The following CD59 variants were observed in gnomAD, a reference collection of about 807,000 sequenced individuals.
The protein encoded by CD59 is CD59 molecule (CD59 blood group).
Under a neutral mutation model 7.0 loss-of-function variants are expected in CD59, and 3 were observed. The observed-to-expected ratio is 0.43, with a 90% CI of 0.19 to 1.10. CD59 has a LOEUF of 1.10. CD59 is among the 50% of genes least tolerant of loss of function. The pLI, the probability that CD59 is intolerant of heterozygous loss-of-function variation, is 0.29. For synonymous variants in CD59, 60 were observed against 62.0 expected, an observed-to-expected ratio of 0.97 and a Z score of 0.15; for missense variants, 143 against 151.0, an observed-to-expected ratio of 0.95 and a Z score of 0.28.
rs1275368101 is a variant in CD59, at chr11:33,722,733, T to C, written c.-18-270A>G. ...TCAGGGTCAGTGAGTCAAATGACAATATGAGCAAATTGACTCATATAGCCA... is the reference window on the plus strand; with the variant it reads ...TCAGGGTCAGTGAGTCAAATGACAACATGAGCAAATTGACTCATATAGCCA... On this transcript the variant is annotated intron_variant, in intron 1 of 3. Transcript: ENST00000642928. 4 of 1,227,826 alleles carry C rather than the reference T, an allele frequency of 3.3e-6. No homozygotes were observed. The African/African-American group carries it at 6.2e-5, about 19-fold the overall frequency. 76.1% of individuals were successfully genotyped at this position (1,227,826 alleles called of 1,614,324 possible).
chr11:33,729,951 T>C (rs1590544785), intron 1 of CD59, among the ~76,000 whole-genome samples: 1 of 152,150 alleles, frequency 6.6e-6, no homozygotes, highest in African/African-American at 2.4e-5. Flanking sequence ...CAATTTTTTT[T>C]CTGAAAATAT....
chr11:33,715,486 A>G (rs1766823344), intron 3 of CD59, among the ~76,000 whole-genome samples: 1 of 152,080 alleles, frequency 6.6e-6, no homozygotes, highest in Non-Finnish European at 1.5e-5. Flanking sequence ...TGTAATCCCA[A>G]TTACTCAGGA....
rs1440812146 is a variant in CD59 at position 33,703,620 on chromosome 11, T to A, written c.*6506A>T. 1 of 152,220 alleles carries A rather than the reference T, an allele frequency of 6.6e-6. No homozygotes were observed. The allele number at this position is 152,220 out of a possible 1,614,324, so 9.4% of individuals were successfully genotyped here. On this transcript the variant is annotated 3_prime_UTR_variant, in exon 4 of 4. Transcript: ENST00000642928. ...CCTGGTAGCCAGGTGGGCTTGCTAATCCTGCACCTCTACCTTAAGCTTACC... is the reference window on the plus strand; with the variant it reads ...CCTGGTAGCCAGGTGGGCTTGCTAAACCTGCACCTCTACCTTAAGCTTACC...
chr11:33,710,246 G>C lies in CD59; in HGVS notation c.267C>G (p.Cys89Trp). ...LRENELTYYC[C>W]KKDLCNFNEQ... ...CGTTAAAGTTACACAGGTCCTTCTT[G>C]CAGCAGTAGTACGTTAGCTCATTTT... Residue 89 changes from cysteine to tryptophan, a missense_variant, in exon 4 of 4, where the codon TGC becomes TGG. Physicochemically the swap from Cys to Trp is radical, Grantham distance 215. Coordinates refer to ENST00000642928, the MANE Select transcript of CD59 (RefSeq NM_000611.6). 1 of 1,614,116 alleles carries C rather than the reference G, an allele frequency of 6.2e-7. No homozygotes were observed. Among genetic ancestry groups the C allele is most frequent in the Non-Finnish European group, 8.5e-7 (1 of 1,179,978 alleles).
intron 3 of CD59, 46 bp downstream of exon 3, chr11:33,717,324 C>T (rs777107927): frequency 2.3e-6 from 3 of 1,276,938 alleles, no homozygotes; most frequent in East Asian, 2.3e-5. Context: ...TTCCCAGGCA[C>T]TTATTACCCC....
chr11:33,708,711 T>C lies in CD59; in HGVS notation c.*1415A>G, dbSNP rs1204428330. 1 of 152,172 alleles carries C rather than the reference T, an allele frequency of 6.6e-6. No individual in the cohort carries two copies. The highest frequency in any genetic ancestry group is 1.5e-5 in the Non-Finnish European group (1 of 68,032). 9.4% of individuals were successfully genotyped at this position (152,172 alleles called of 1,614,324 possible). A position where few individuals can be genotyped will look rare whatever the true frequency, so the allele number is the denominator to read the frequency against. ...ATAAGCAAGTTTCTATTTTCCTATG[T>C]TCAGGGAACGGCATCAACAGAAGAA... On this transcript the variant is annotated 3_prime_UTR_variant, in exon 4 of 4. Transcript: ENST00000642928.
intron 1 of CD59, among the ~76,000 whole-genome samples, chr11:33,733,076 C>T (rs539246345): frequency 6.6e-6 from 1 of 151,976 alleles, no homozygotes; most frequent in Admixed American, 6.5e-5. Flanking sequence ...TAAGAATGGT[C>T]CTCAACTGAC....
intron 1 of CD59, chr11:33,723,054 G>T: frequency 1.4e-6 from 1 of 730,246 alleles, no homozygotes; most frequent in Non-Finnish European, 1.7e-6. Flanking sequence ...ATAGCATCAG[G>T]TGAGAAGAAG....
At chr11:33,732,930 A>G (rs1349783492) in intron 1 of CD59, among the ~76,000 whole-genome samples, 4 of 152,220 alleles carry the variant, frequency 2.6e-5, no homozygotes, top group African/African-American at 9.6e-5. Flanking sequence ...CCCAGGGGTC[A>G]TTGAAAGAGG....
rs563630563 is a variant in CD59, at chr11:33,728,314, G to A, written c.-18-5851C>T. On this transcript the variant is annotated intron_variant, in intron 1 of 3. Transcript: ENST00000642928. Reference sequence around the variant, plus strand: ...ACCAAAACAGCATGGTACTGGTACCGAAACAGATATATAGACCAATGGAAC... The same window carrying A: ...ACCAAAACAGCATGGTACTGGTACCAAAACAGATATATAGACCAATGGAAC... Among the ~76,000 whole-genome samples, 113 of 152,008 alleles carry A rather than the reference G, an allele frequency of 7.4e-4. 1 individual carries two copies. The highest frequency in any genetic ancestry group is 9.4e-4 in the Non-Finnish European group (64 of 67,914).
intron 1 of CD59, among the ~76,000 whole-genome samples, chr11:33,733,053 G>A (rs768360714): frequency 1.3e-5 from 2 of 152,094 alleles, no homozygotes; most frequent in African/African-American, 4.8e-5. Flanking sequence ...GCACACAGGC[G>A]GCCTTTAGAA....
intron 3 of CD59, among the ~76,000 whole-genome samples, chr11:33,716,889 A>C (rs971193971): frequency 1.3e-5 from 2 of 152,180 alleles, no homozygotes; most frequent in African/African-American, 4.8e-5. Context: ...CAGATACCCC[A>C]TGGAATGAGA....
At chr11:33,729,653 C>A (rs987045225) in intron 1 of CD59, among the ~76,000 whole-genome samples, 1 of 150,738 alleles carries the variant, frequency 6.6e-6, no homozygotes, top group Non-Finnish European at 1.5e-5. Flanking sequence ...TACCCCAGAA[C>A]GTAAAGTATA....
In CD59 at chr11:33,717,252, G is replaced by A. The variant is rs1391759769; in HGVS notation, c.169+118C>T. 14 of 712,486 alleles carry A rather than the reference G, an allele frequency of 2.0e-5. No homozygotes were observed. The Admixed American group carries it at 2.0e-4, about 10-fold the overall frequency. The allele number at this position is 712,486 out of a possible 1,614,324, so 44.1% of individuals were successfully genotyped here. A position where few individuals can be genotyped will look rare whatever the true frequency, so the allele number is the denominator to read the frequency against. On this transcript the variant is annotated intron_variant, in intron 3 of 3. Coordinates refer to ENST00000642928, the MANE Select transcript of CD59 (RefSeq NM_000611.6). ...GTGCTTAGCCCAATACACACCTGAC[G>A]CTAATAAATGGTAGCTATTACTTGA... is the stretch of plus-strand genomic sequence containing the variant.
At position 33,722,381 on chromosome 11, in the gene CD59, G is replaced by A. The variant is rs146915059; in HGVS notation, c.65C>T (p.Ser22Leu). 9.3e-6 allele frequency: 15 copies of A among 1,609,100 alleles called. No individual in the cohort carries two copies. The highest frequency in any genetic ancestry group is 1.2e-5 in the Non-Finnish European group (14 of 1,175,502). The change falls in exon 2 of 4, where the codon TCA becomes TTA. Residue 22 changes from serine (S) to leucine (L), a missense_variant and splice_region_variant. Transcript: ENST00000642928. ...TGTCCTGAGACTGGAGCACTCACCT[G>A]AATGGCAGAAGACAGCCAGGACGAG... ...LLLVLAVFCH[S>L]GHSLQCYNCP...
At chr11:33,722,291 A>C in intron 2 of CD59, 88 bp downstream of exon 2, 1 of 970,108 alleles carries the variant, frequency 1.0e-6, no homozygotes, top group Non-Finnish European at 1.7e-6. Flanking sequence ...CCAGGCCTGG[A>C]GGAGCAGCTG....
chr11:33,723,587 T>C (rs912889486), intron 1 of CD59, among the ~76,000 whole-genome samples: 7 of 152,232 alleles, frequency 4.6e-5, no homozygotes, highest in Admixed American at 3.3e-4. Context: ...AGAAAGACAA[T>C]TGTCATCTGG....
At chr11:33,734,984 A>G (rs1240605073) in intron 1 of CD59, among the ~76,000 whole-genome samples, 7 of 152,204 alleles carry the variant, frequency 4.6e-5, no homozygotes. Flanking sequence ...TTTTTCTTAC[A>G]GCTAAGTTCA....
At chr11:33,734,087 G>C (rs561393093) in intron 1 of CD59, among the ~76,000 whole-genome samples, 1 of 152,364 alleles carries the variant, frequency 6.6e-6, no homozygotes, top group Admixed American at 6.5e-5. Flanking sequence ...AGCAATGTCA[G>C]AGAACTAGAG....
Sources: gnomAD v4.1 joint callset for allele counts (sites outside exome capture counted in the v4.1 genomes callset) on GRCh38, gnomAD v4.1.1 for gene constraint, MANE v1.5 for transcripts, NCBI Gene and HGNC (gene_info 2026-07-23, HGNC 2026-07-21) for gene names.